Variants in ALG14 observed in about 807,000 individuals in gnomAD.
ALG14 encodes the protein ALG14 UDP-N-acetylglucosaminyltransferase subunit.
In ALG14, 17 loss-of-function variants were observed where a neutral mutation model predicts 22.8. The ratio of observed to expected loss-of-function variants is 0.75; its 90% confidence interval spans 0.51 to 1.12. The LOEUF (loss-of-function observed/expected upper bound fraction) is 1.12. ALG14 is among the 50% of genes most tolerant of loss of function. ALG14 has a pLI of 0.00. For synonymous variants in ALG14, 89 were observed against 103.7 expected, an observed-to-expected ratio of 0.86 and a Z score of 0.86; for missense variants, 288 against 271.8, an observed-to-expected ratio of 1.06 and a Z score of -0.42.
chr1:95,068,617 G>C (rs1675458264), intron 1 of ALG14, among the ~76,000 whole-genome samples: 1 of 152,164 alleles, frequency 6.6e-6, no homozygotes, highest in Non-Finnish European at 1.5e-5. Flanking sequence ...GATATCTAAA[G>C]AGTAAATGTC....
intron 2 of ALG14, among the ~76,000 whole-genome samples, chr1:95,028,574 C>G (rs924529425): frequency 2.0e-5 from 3 of 152,126 alleles, no homozygotes; most frequent in African/African-American, 7.2e-5. Flanking sequence ...TGCGAGCACT[C>G]TGGGAGACCC....
At chr1:95,016,023 G>GTAGA (rs1345388167) in intron 3 of ALG14, among the ~76,000 whole-genome samples, 2 of 152,204 alleles carry the variant, frequency 1.3e-5, no homozygotes, top group African/African-American at 4.8e-5. Flanking sequence ...AGACTATGAA[G>GTAGA]TAGATATCAT....
At chr1:95,056,232 A>T (rs2100823323) in intron 2 of ALG14, among the ~76,000 whole-genome samples, 1 of 152,328 alleles carries the variant, frequency 6.6e-6, no homozygotes, top group Admixed American at 6.5e-5. Flanking sequence ...GCACTGCAGA[A>T]ATGGACTGCT....
At chr1:95,036,951 C>G (rs955779874) in intron 2 of ALG14, among the ~76,000 whole-genome samples, 2 of 152,132 alleles carry the variant, frequency 1.3e-5, no homozygotes, top group African/African-American at 4.8e-5. Context: ...ACTGGCTTGT[C>G]AAAGAGAAAT....
intron 3 of ALG14, among the ~76,000 whole-genome samples, chr1:95,023,859 T>C (rs903861486): frequency 6.6e-6 from 1 of 152,072 alleles, no homozygotes; most frequent in African/African-American, 2.4e-5. Flanking sequence ...GGTGTCTTTG[T>C]TTTTGTGATG....
At chr1:94,997,413 G>A (rs1474440201) in intron 3 of ALG14, among the ~76,000 whole-genome samples, 1 of 152,194 alleles carries the variant, frequency 6.6e-6, no homozygotes, top group African/African-American at 2.4e-5. Flanking sequence ...CCACTATGGT[G>A]ATAATATTAA....
chr1:95,054,380 T>C (rs1202430191), intron 2 of ALG14, among the ~76,000 whole-genome samples: 1 of 152,174 alleles, frequency 6.6e-6, no homozygotes, highest in Non-Finnish European at 1.5e-5. Context: ...GCTCTGCCCA[T>C]GTGAAGTGCT....
At chr1:95,018,979 T>C (rs576287374) in intron 3 of ALG14, among the ~76,000 whole-genome samples, 4 of 152,380 alleles carry the variant, frequency 2.6e-5, no homozygotes, top group African/African-American at 9.6e-5. Flanking sequence ...TTTAAGCATG[T>C]GACACCTGTC....
chr1:95,013,115 TAAA>T (rs568022540), intron 3 of ALG14, among the ~76,000 whole-genome samples: 1 of 135,056 alleles, frequency 7.4e-6, no homozygotes. Context: ...CTGTCTCAAT[TAAA>T]AAAAAAAAAA....
chr1:95,037,612 G>A (rs931536618), intron 2 of ALG14, among the ~76,000 whole-genome samples: 2 of 152,146 alleles, frequency 1.3e-5, no homozygotes, highest in South Asian at 2.1e-4. Context: ...ACCAAGCCTC[G>A]CCAGAAATAA....
intron 3 of ALG14, among the ~76,000 whole-genome samples, chr1:94,995,800 T>C (rs1399750118): frequency 6.6e-6 from 1 of 152,240 alleles, no homozygotes; most frequent in Non-Finnish European, 1.5e-5. Flanking sequence ...TCCTTCACTG[T>C]CAGTGCATTC....
chr1:95,031,226 C>T (rs1174728480), intron 2 of ALG14, among the ~76,000 whole-genome samples: 1 of 152,184 alleles, frequency 6.6e-6, no homozygotes, highest in African/African-American at 2.4e-5. Context: ...ACATGGTTAT[C>T]CACAGGGTAG....
rs528610753 is a variant in ALG14, at chr1:95,047,032, AT to A, written c.288+17833del. Among the ~76,000 whole-genome samples, 26 of 146,850 alleles carry A rather than the reference AT, an allele frequency of 1.8e-4. No individual in the cohort carries two copies. In the South Asian group the frequency reaches 4.3e-3, roughly 24 times the overall value. ...ATAACATAACATAACATAACATAAC[AT>A]AACGACATGCCTGTATGAACCAACA... On this transcript the variant is annotated intron_variant, in intron 2 of 3. Transcript: ENST00000370205.
At chr1:95,017,132 G>C (rs1673526320) in intron 3 of ALG14, among the ~76,000 whole-genome samples, 1 of 152,140 alleles carries the variant, frequency 6.6e-6, no homozygotes, top group Non-Finnish European at 1.5e-5. Context: ...AAAAGACAAG[G>C]CAGGAGGCCC....
At chr1:94,998,389 C>G (rs1672962216) in intron 3 of ALG14, among the ~76,000 whole-genome samples, 1 of 152,126 alleles carries the variant, frequency 6.6e-6, no homozygotes, top group Admixed American at 6.6e-5. Context: ...AAAACAAAAC[C>G]AGGCTCCCTT....
intron 2 of ALG14, 97 bp downstream of exon 2, chr1:95,064,769 G>T (rs1041581852): frequency 2.1e-5 from 23 of 1,076,284 alleles, no homozygotes; most frequent in Non-Finnish European, 2.8e-5. Context: ...ACTGCCCATT[G>T]TGGGTAGGGC....
chr1:95,040,692 T>G (rs1300263762), intron 2 of ALG14, among the ~76,000 whole-genome samples: 1 of 152,192 alleles, frequency 6.6e-6, no homozygotes, highest in African/African-American at 2.4e-5. Flanking sequence ...CTCAAAGGTA[T>G]AGATTTTTTT....
At chr1:95,071,979 C>T (rs1185477040) in intron 1 of ALG14, among the ~76,000 whole-genome samples, 1 of 152,162 alleles carries the variant, frequency 6.6e-6, no homozygotes, top group Non-Finnish European at 1.5e-5. Context: ...GTCAGCACTC[C>T]GTGGCAAGTA....
intron 3 of ALG14, among the ~76,000 whole-genome samples, chr1:94,990,636 G>A (rs1284229244): frequency 6.6e-6 from 1 of 152,184 alleles, no homozygotes; most frequent in Non-Finnish European, 1.5e-5. Context: ...ACGTACTACA[G>A]TCATCTAGCC....
Sources: allele counts gnomAD v4.1 joint callset (sites outside exome capture counted in the v4.1 genomes callset), GRCh38; gene constraint gnomAD v4.1.1; transcripts MANE v1.5; gene names NCBI Gene and HGNC (gene_info 2026-07-23, HGNC 2026-07-21).